Variants in GLB1 observed in about 807,000 individuals in gnomAD.
The protein encoded by GLB1 is galactosidase beta 1.
GLB1 carries 56 observed loss-of-function variants against 74.0 expected under a neutral mutation model. The observed-to-expected ratio is 0.76, with a 90% confidence interval of 0.61 to 0.94. GLB1 has a LOEUF of 0.94. Ranked by LOEUF, GLB1 falls within the 40% of genes least tolerant of loss-of-function variation. The pLI is 0.00. For missense variants in GLB1, 787 were observed against 845.5 expected, an observed-to-expected ratio of 0.93 and a Z score of 0.86; for synonymous variants, 323 against 323.6, an observed-to-expected ratio of 1.00 and a Z score of 0.02.
At chr3:33,014,673 C>T (rs766145408) in intron 14 of GLB1, among the ~76,000 whole-genome samples, 2 of 152,110 alleles carry the variant, frequency 1.3e-5, no homozygotes, top group Admixed American at 6.6e-5. Flanking sequence ...AAGATGGGCA[C>T]CAAGAAAGAT....
the GLB1 span, among the ~76,000 whole-genome samples, chr3:32,983,659 C>T: frequency 2.0e-3 from 306 of 150,776 alleles, 5 homozygotes; most frequent in Admixed American, 0.019. Context: ...TACCCTTTGA[C>T]CTTGAAAATA....
chr3:32,997,139 G>A lies in GLB1; in HGVS notation c.1940C>T (p.Ser647Phe). The A allele has an allele frequency of 1.2e-6, 2 of 1,614,170 alleles. No homozygotes were observed. Among genetic ancestry groups the A allele is most frequent in the Non-Finnish European group, 1.7e-6 (2 of 1,180,036 alleles). ...TTTGGAGGGATGATCGTAGGTCACAGATGAGCCAATAACTGGCCTGTCCAC... is the reference window on the plus strand; with the variant it reads ...TTTGGAGGGATGATCGTAGGTCACAAATGAGCCAATAACTGGCCTGTCCAC... ...TFVDRPVIGS[S>F]VTYDHPSKPV... is the part of the protein sequence containing the mutation. Residue 647 changes from serine to phenylalanine, a missense_variant, in exon 16 of 16, where the codon TCT (serine) becomes TTT (phenylalanine). Transcript: ENST00000307363.
At chr3:32,970,199 A>G in the GLB1 span, among the ~76,000 whole-genome samples, 1 of 152,354 alleles carries the variant, frequency 6.6e-6, no homozygotes, top group East Asian at 1.9e-4. Flanking sequence ...CAGACAGCCT[A>G]CAGGCTGCAG....
rs1697533537 is a variant in GLB1 at position 33,022,524 on chromosome 3, C to A, written c.1144-869G>T. Among the ~76,000 whole-genome samples, 4 of 143,642 alleles carry A rather than the reference C, an allele frequency of 2.8e-5. No individual in the cohort carries two copies. In the South Asian group the frequency reaches 8.9e-4, roughly 32 times the overall value. The allele number at this position is 143,642 out of a possible 152,430, so 94.2% of individuals were successfully genotyped here. A position where few individuals can be genotyped will look rare whatever the true frequency, so the allele number is the denominator to read the frequency against. Reference sequence around the variant, plus strand: ...CCAGGATTTGTAGTTAGATTTGGCTCCAAACCCCAGGATTTTCCATGACTA... The same window carrying A: ...CCAGGATTTGTAGTTAGATTTGGCTACAAACCCCAGGATTTTCCATGACTA... On this transcript the variant is annotated intron_variant, in intron 11 of 15. Coordinates refer to ENST00000307363, the MANE Select transcript of GLB1 (RefSeq NM_000404.4).
chr3:33,091,613 C>G (rs1700765502), intron 1 of GLB1: 1 of 984,118 alleles, frequency 1.0e-6, no homozygotes, highest in African/African-American at 1.7e-5. Context: ...ATGGATCCCT[C>G]CTGACAAAAC....
At chr3:33,008,871 G>A (rs1696892242) in intron 15 of GLB1, among the ~76,000 whole-genome samples, 1 of 152,200 alleles carries the variant, frequency 6.6e-6, no homozygotes, top group African/African-American at 2.4e-5. Flanking sequence ...TGTAATCCCA[G>A]CACTCTGGGA....
chr3:33,035,923 G>C (rs900218973), intron 10 of GLB1, among the ~76,000 whole-genome samples: 1 of 152,040 alleles, frequency 6.6e-6, no homozygotes, highest in Non-Finnish European at 1.5e-5. Flanking sequence ...TCCTTAACTT[G>C]GTGTATTCAA....
At chr3:33,052,033 G>C (rs1049436029) in intron 7 of GLB1, 29 bp from the exon 8 acceptor site, 10 of 1,611,838 alleles carry the variant, frequency 6.2e-6, no homozygotes, top group African/African-American at 1.3e-5. Context: ...GTAGCCCTTA[G>C]GATAGACTTA....
chr3:33,073,653 A>G (rs1219049829), intron 1 of GLB1, among the ~76,000 whole-genome samples: 1 of 152,066 alleles, frequency 6.6e-6, no homozygotes, highest in African/African-American at 2.4e-5. Flanking sequence ...ACACCACTGC[A>G]CTCCAGCCTG....
chr3:33,006,629 C>T (rs1166611793), intron 15 of GLB1, among the ~76,000 whole-genome samples: 1 of 152,192 alleles, frequency 6.6e-6, no homozygotes, highest in Non-Finnish European at 1.5e-5. Context: ...GCAGAACATG[C>T]CTGACCCCTT....
chr3:33,083,551 C>T (rs989647637), intron 1 of GLB1, among the ~76,000 whole-genome samples: 1 of 152,044 alleles, frequency 6.6e-6, no homozygotes, highest in Non-Finnish European at 1.5e-5. Flanking sequence ...AATGAATTGG[C>T]GCAGGAATGC....
rs113265833 is a variant in GLB1 at position 33,045,389 on chromosome 3, G to C, written c.1068+731C>G. ...GGCTACCTCTACTTTTATATAAAGGGAATTTACACAATTGGCTTAAGGTTG... is the reference window on the plus strand; with the variant it reads ...GGCTACCTCTACTTTTATATAAAGGCAATTTACACAATTGGCTTAAGGTTG... On this transcript the variant is annotated intron_variant, in intron 10 of 15. Coordinates refer to ENST00000307363, the MANE Select transcript of GLB1 (RefSeq NM_000404.4). 7.9e-4 allele frequency: 780 copies of C among 985,172 alleles called. 7 individuals carry two copies. The African/African-American group carries it at 8.9e-3, about 11-fold the overall frequency. The allele number at this position is 985,172 out of a possible 1,614,324, so 61.0% of individuals were successfully genotyped here.
In GLB1 at chr3:33,072,712, T is replaced by C. The variant is rs375332195; in HGVS notation, c.77A>G (p.Asn26Ser). The C allele has an allele frequency of 1.9e-6, 3 of 1,614,136 alleles. No individual in the cohort carries two copies. Among genetic ancestry groups the C allele is most frequent in the African/African-American group, 2.7e-5 (2 of 75,062 alleles). The change falls in exon 2 of 16, where the codon AAT becomes AGT. Residue 26 changes from asparagine to serine, a missense_variant and splice_region_variant. Asn to Ser is a conservative substitution (Grantham distance 46). Coordinates refer to ENST00000307363, the MANE Select transcript of GLB1 (RefSeq NM_000404.4). ...LLLGPTRGLR[N>S]ATQRMFEIDY... ...AATTTCAAACATCCTCTGGGTGGCATTCTACAGAGCAAGGATGGGGTCACA... is the reference window on the plus strand; with the variant it reads ...AATTTCAAACATCCTCTGGGTGGCACTCTACAGAGCAAGGATGGGGTCACA...
chr3:33,084,657 A>G (rs905424529), intron 1 of GLB1, among the ~76,000 whole-genome samples: 5 of 152,230 alleles, frequency 3.3e-5, no homozygotes, highest in African/African-American at 1.2e-4. Context: ...GACTCTGGAC[A>G]TACACAGATT....
At position 33,068,924 on chromosome 3, in the gene GLB1, A is replaced by G; in HGVS notation, c.292T>C (p.Phe98Leu). 2 of 1,613,984 alleles carry G rather than the reference A, an allele frequency of 1.2e-6. No homozygotes were observed. Residue 98 changes from phenylalanine (F) to leucine (L), a missense_variant, in exon 3 of 16, where the codon TTT becomes CTT. Transcript: ENST00000307363. ...FHEPWPGQYQFSEDHDVEYFL... is the reference protein window; with the variant it reads ...FHEPWPGQYQLSEDHDVEYFL... ...TATTCCACATCATGGTCCTCAGAAA[A>G]CTGGTACTGTCCTGGCCAGGGCTCA...
At chr3:33,021,508 G>A in intron 12 of GLB1, 58 bp downstream of exon 12, 2 of 1,574,442 alleles carry the variant, frequency 1.3e-6, no homozygotes, top group South Asian at 2.3e-5. Context: ...GCAAGGCAGT[G>A]CAGAAAGCAC....
At chr3:33,095,210 CAAAAAAAAAA>C (rs71630565) in intron 1 of GLB1, among the ~76,000 whole-genome samples, 8 of 75,890 alleles carry the variant, frequency 1.1e-4, no homozygotes, top group South Asian at 1.0e-3. Flanking sequence ...GACTCTGTCT[CAAAAAAAAAA>C]AAAAAAAAAA....
chr3:32,967,526 A>G, the GLB1 span, among the ~76,000 whole-genome samples: 7 of 152,138 alleles, frequency 4.6e-5, no homozygotes, highest in African/African-American at 1.7e-4. Flanking sequence ...TGTGAATTAT[A>G]TATCTCCCTC....
At chr3:33,035,957 T>C (rs187625124) in intron 10 of GLB1, among the ~76,000 whole-genome samples, 1 of 152,352 alleles carries the variant, frequency 6.6e-6, no homozygotes, top group Admixed American at 6.5e-5. Context: ...CTTGGTGAAG[T>C]AGGAGACAGT....
Sources: gnomAD v4.1 joint callset for allele counts (sites outside exome capture counted in the v4.1 genomes callset) on GRCh38, gnomAD v4.1.1 for gene constraint, MANE v1.5 for transcripts, NCBI Gene and HGNC (gene_info 2026-07-23, HGNC 2026-07-21) for gene names.